ASTN2: variants seen among roughly 807,000 people sequenced by gnomAD.
The protein encoded by ASTN2 is astrotactin 2, also known as astrotactin-2.
Under a neutral mutation model 139.8 loss-of-function variants are expected in ASTN2, and 54 were observed. The ratio of observed to expected loss-of-function variants is 0.39; its 90% CI spans 0.31 to 0.48. The LOEUF is 0.48. ASTN2 is among the 20% of genes least tolerant of loss of function. The pLI is 0.95. For synonymous variants in ASTN2, 756 were observed against 719.5 expected (o/e 1.05, Z -0.81); for missense variants, 1,565 against 1,725.1 (o/e 0.91, Z 1.64).
At chr9:117,131,102 C>T (rs974184605) in intron 4 of ASTN2, among the ~76,000 whole-genome samples, 4 of 152,168 alleles carry the variant, frequency 2.6e-5, no homozygotes, top group African/African-American at 9.7e-5. Context: ...TGTTAAATTT[C>T]ACCAACAGTC....
intron 2 of ASTN2, among the ~76,000 whole-genome samples, chr9:117,224,318 G>A (rs990811676): frequency 1.3e-5 from 2 of 152,172 alleles, no homozygotes; most frequent in African/African-American, 4.8e-5. Flanking sequence ...GATTAAATGC[G>A]ATTGCAGTGT....
intron 19 of ASTN2, among the ~76,000 whole-genome samples, chr9:116,595,935 C>A (rs1350608540): frequency 2.6e-5 from 4 of 152,110 alleles, no homozygotes; most frequent in Non-Finnish European, 5.9e-5. Flanking sequence ...GGATTTATAT[C>A]CAAAATAATT....
chr9:116,943,983 G>A (rs986372777), intron 10 of ASTN2, among the ~76,000 whole-genome samples: 3 of 151,482 alleles, frequency 2.0e-5, no homozygotes, highest in East Asian at 3.9e-4. Context: ...TTGTGAAGAC[G>A]GATATAGAAA....
chr9:117,411,769 CAG>C (rs950849848), intron 1 of ASTN2, among the ~76,000 whole-genome samples: 15 of 152,180 alleles, frequency 9.9e-5, no homozygotes, highest in Non-Finnish European at 1.5e-4. Flanking sequence ...CCACTATTGG[CAG>C]AGTTTGGCAT....
chr9:117,052,881 A>C (rs889721459), intron 5 of ASTN2, among the ~76,000 whole-genome samples: 1 of 152,214 alleles, frequency 6.6e-6, no homozygotes, highest in African/African-American at 2.4e-5. Context: ...TTCTAAACAG[A>C]ATATAGACAG....
At chr9:116,513,622 C>A (rs1393983603) in intron 19 of ASTN2, among the ~76,000 whole-genome samples, 1 of 152,228 alleles carries the variant, frequency 6.6e-6, no homozygotes, top group Non-Finnish European at 1.5e-5. Context: ...TTCTCCCTGT[C>A]ACTTTCAGGT....
chr9:117,377,969 C>T (rs1431993018), intron 1 of ASTN2, among the ~76,000 whole-genome samples: 1 of 152,098 alleles, frequency 6.6e-6, no homozygotes, highest in Non-Finnish European at 1.5e-5. Flanking sequence ...ACACCCGTTA[C>T]CAGTGATAGT....
chr9:116,911,928 G>A (rs897139076), intron 10 of ASTN2, among the ~76,000 whole-genome samples: 46 of 151,970 alleles, frequency 3.0e-4, no homozygotes, highest in African/African-American at 9.7e-4. Flanking sequence ...AAACCTCTGT[G>A]TATTATTATC....
At chr9:116,528,187 C>A (rs996230039) in intron 19 of ASTN2, among the ~76,000 whole-genome samples, 1 of 152,078 alleles carries the variant, frequency 6.6e-6, no homozygotes, top group Admixed American at 6.6e-5. Context: ...GACTGAAATG[C>A]TGATGGACAA....
intron 4 of ASTN2, among the ~76,000 whole-genome samples, chr9:117,131,628 G>A (rs1459090295): frequency 6.6e-6 from 1 of 152,104 alleles, no homozygotes; most frequent in Non-Finnish European, 1.5e-5. Context: ...ACTGCCTGGA[G>A]GCTTCATCTA....
chr9:117,055,128 C>A (rs953194696), intron 5 of ASTN2, among the ~76,000 whole-genome samples: 6 of 152,198 alleles, frequency 3.9e-5, no homozygotes, highest in African/African-American at 1.4e-4. Flanking sequence ...CTGGGGGACC[C>A]CTGTCCTAGA....
intron 10 of ASTN2, among the ~76,000 whole-genome samples, chr9:116,961,078 T>C (rs991317005): frequency 1.3e-5 from 2 of 152,108 alleles, no homozygotes; most frequent in Non-Finnish European, 2.9e-5. Flanking sequence ...ACTCTGCAAC[T>C]AGAGTGCCTT....
intron 1 of ASTN2, among the ~76,000 whole-genome samples, chr9:117,316,351 G>A (rs1828144104): frequency 6.6e-6 from 1 of 152,118 alleles, no homozygotes; most frequent in Non-Finnish European, 1.5e-5. Flanking sequence ...AATTGGAGGT[G>A]GGGTGAGCGG....
At position 117,016,654 on chromosome 9, in the gene ASTN2, A is replaced by G. The variant is rs867891209; in HGVS notation, c.1424-8395T>C. 6.8e-3 allele frequency among the ~76,000 whole-genome samples: 678 copies of G among 99,864 alleles called. 28 individuals are homozygous for G. Among genetic ancestry groups the G allele is most frequent in the African/African-American group, 0.032 (635 of 20,136 alleles). The allele number at this position is 99,864 out of a possible 152,430, so 65.5% of individuals were successfully genotyped here. A position where few individuals can be genotyped will look rare whatever the true frequency, so the allele number is the denominator to read the frequency against. On this transcript the variant is annotated intron_variant, in intron 6 of 22. Transcript: ENST00000313400. ...TATATATATATATATATATATATATATAACCTATATATATGTTACATATAT... is the reference window on the plus strand; with the variant it reads ...TATATATATATATATATATATATATGTAACCTATATATATGTTACATATAT...
At chr9:116,900,095 T>C (rs1833970023) in intron 10 of ASTN2, among the ~76,000 whole-genome samples, 2 of 152,240 alleles carry the variant, frequency 1.3e-5, no homozygotes, top group African/African-American at 2.4e-5. Flanking sequence ...ATTTGAGTAA[T>C]AAACTCCTCT....
At chr9:116,915,588 A>G (rs10983404) in intron 10 of ASTN2, among the ~76,000 whole-genome samples, 1 of 152,306 alleles carries the variant, frequency 6.6e-6, no homozygotes, top group East Asian at 1.9e-4. Flanking sequence ...GAGGAGCTGG[A>G]GAGTTAATCA....
intron 16 of ASTN2, among the ~76,000 whole-genome samples, chr9:116,682,707 T>G (rs1406825339): frequency 1.3e-5 from 2 of 152,216 alleles, no homozygotes; most frequent in Non-Finnish European, 2.9e-5. Context: ...TAAAAAATGA[T>G]GAGTTCATGT....
chr9:116,584,770 T>A (rs1178647382), intron 19 of ASTN2: 1 of 152,216 alleles, frequency 6.6e-6, no homozygotes, highest in Non-Finnish European at 1.5e-5. Flanking sequence ...TGTTTGCAGA[T>A]GACATGATCA....
intron 1 of ASTN2, among the ~76,000 whole-genome samples, chr9:117,358,485 A>G (rs537309804): frequency 3.9e-5 from 6 of 152,180 alleles, no homozygotes; most frequent in Middle Eastern, 3.4e-3. Context: ...GAGAAATCCC[A>G]TTTCCTTCCC....
Sources: allele counts gnomAD v4.1 joint callset (sites outside exome capture counted in the v4.1 genomes callset), GRCh38; gene constraint gnomAD v4.1.1; transcripts MANE v1.5; gene names NCBI Gene and HGNC (gene_info 2026-07-23, HGNC 2026-07-21).